Variants in GABRG3 observed in about 807,000 individuals in gnomAD.
The protein encoded by GABRG3 is gamma-aminobutyric acid type A receptor subunit gamma3.
GABRG3 carries 25 observed loss-of-function variants against 48.8 expected under a neutral mutation model. The ratio of observed to expected loss-of-function variants is 0.51; its 90% CI spans 0.37 to 0.72. GABRG3 has a LOEUF of 0.72. Ranked by LOEUF, GABRG3 falls within the 30% of genes least tolerant of loss-of-function variation. The pLI, the probability that GABRG3 is intolerant of heterozygous loss-of-function variation, is 0.00. For missense variants in GABRG3, 394 were observed against 577.9 expected (o/e 0.68, Z 3.26); for synonymous variants, 227 against 217.6 (o/e 1.04, Z -0.38).
At chr15:27,078,872 T>C (rs1454366974) in intron 3 of GABRG3, among the ~76,000 whole-genome samples, 2 of 152,180 alleles carry the variant, frequency 1.3e-5, no homozygotes, top group African/African-American at 4.8e-5. Context: ...AATAGGGTCA[T>C]TGCAGATGTA....
At position 27,535,900 on chromosome 15, in the gene GABRG3, A is replaced by C. The variant is rs1199264577; in HGVS notation, c.*3019A>C. The C allele has an allele frequency of 2.6e-5, 4 of 152,402 alleles. No homozygotes were observed. The highest frequency in any genetic ancestry group is 5.9e-5 in the Non-Finnish European group (4 of 68,072). 9.4% of individuals were successfully genotyped at this position (152,402 alleles called of 1,614,324 possible). A position where few individuals can be genotyped will look rare whatever the true frequency, so the allele number is the denominator to read the frequency against. On this transcript the variant is annotated 3_prime_UTR_variant, in exon 10 of 10. Transcript: ENST00000615808. Reference sequence around the variant, plus strand: ...AAGACTCTCTTTGCCAGGATGCCTGATCAGGAGGGACGTGTGTGGGCACGA... The same window carrying C: ...AAGACTCTCTTTGCCAGGATGCCTGCTCAGGAGGGACGTGTGTGGGCACGA...
intron 3 of GABRG3, among the ~76,000 whole-genome samples, chr15:27,271,825 T>C (rs1020107739): frequency 2.6e-5 from 4 of 152,198 alleles, no homozygotes; most frequent in Non-Finnish European, 5.9e-5. Context: ...TTAAAACTTG[T>C]CTTTTCCATC....
intron 3 of GABRG3, among the ~76,000 whole-genome samples, chr15:27,314,580 A>C (rs1038516106): frequency 7.2e-5 from 11 of 152,210 alleles, no homozygotes; most frequent in African/African-American, 2.4e-4. Context: ...AGAAGCATTG[A>C]AATGAGGGTC....
chr15:27,419,763 T>A (rs1476778436), intron 5 of GABRG3, among the ~76,000 whole-genome samples: 1 of 152,098 alleles, frequency 6.6e-6, no homozygotes. Flanking sequence ...CATTTCACAC[T>A]CAAGTAACGG....
At chr15:27,530,155 G>A (rs1355515020) in intron 9 of GABRG3, among the ~76,000 whole-genome samples, 1 of 152,198 alleles carries the variant, frequency 6.6e-6, no homozygotes, top group Non-Finnish European at 1.5e-5. Flanking sequence ...CAGACTCCGT[G>A]AACTGTCACA....
In GABRG3 at chr15:27,280,700, A is replaced by G. The variant is rs146526450; in HGVS notation, c.271-46109A>G. Among the ~76,000 whole-genome samples the G allele has an allele frequency of 3.0e-3, 451 of 152,248 alleles. 1 individual carries two copies. The highest frequency in any genetic ancestry group is 0.01 in the African/African-American group (428 of 41,574). ...CTGTTAGGATCAGAAAACAAACTGT[A>G]TGGTTTCAATTCTTTTAAATTTGTT... On this transcript the variant is annotated intron_variant, in intron 3 of 9. Coordinates refer to ENST00000615808, the MANE Select transcript of GABRG3 (RefSeq NM_033223.5).
intron 5 of GABRG3, among the ~76,000 whole-genome samples, chr15:27,406,180 C>T (rs952135741): frequency 9.2e-5 from 14 of 151,802 alleles, no homozygotes; most frequent in Non-Finnish European, 1.3e-4. Context: ...AAAATATACA[C>T]GAGTCCATAC....
intron 5 of GABRG3, among the ~76,000 whole-genome samples, chr15:27,329,545 G>A (rs540837967): frequency 6.6e-6 from 1 of 152,308 alleles, no homozygotes; most frequent in African/African-American, 2.4e-5. Context: ...GATTACAGAT[G>A]TGAGCCACTG....
rs1169926074 is a variant in GABRG3, at chr15:27,313,262, G to GTATATA, written c.271-13504_271-13499dup. 4.4e-3 allele frequency among the ~76,000 whole-genome samples: 153 copies of GTATATA among 34,494 alleles called. 9 individuals are homozygous for GTATATA. Among genetic ancestry groups the GTATATA allele is most frequent in the South Asian group, 7.8e-3 (6 of 768 alleles). The allele number at this position is 34,494 out of a possible 152,430, so 22.6% of individuals were successfully genotyped here. A position where few individuals can be genotyped will look rare whatever the true frequency, so the allele number is the denominator to read the frequency against. On this transcript the variant is annotated intron_variant, in intron 3 of 9. Transcript: ENST00000615808. ...TATATGTGTGTGTGTGTGTGTGTGT[G>GTATATA]TATATATATATATATATATATATAT... is the stretch of plus-strand genomic sequence containing the variant.
At chr15:27,375,893 C>T (rs531378249) in intron 5 of GABRG3, among the ~76,000 whole-genome samples, 1 of 152,242 alleles carries the variant, frequency 6.6e-6, no homozygotes, top group Admixed American at 6.5e-5. Context: ...CCCAACAGTC[C>T]CTGAAAGTCT....
rs1238707400 is a variant in GABRG3, at chr15:26,975,607, G to A, written c.54-1395G>A. The stretch of plus-strand genomic sequence containing the variant: ...GTATATATTACATAAATATGCATGT[G>A]CATATATATGAAGACCTAAATTAAG... On this transcript the variant is annotated intron_variant, in intron 1 of 9. Transcript: ENST00000615808. The surrounding 1 kb of genome is among the most constrained non-coding windows in gnomAD (Gnocchi z 4.6). 6.6e-6 allele frequency among the ~76,000 whole-genome samples: 1 copy of A among 152,146 alleles called. No individual in the cohort carries two copies. The highest frequency in any genetic ancestry group is 2.1e-4 in the South Asian group (1 of 4,818).
chr15:27,447,007 G>C lies in GABRG3; in HGVS notation c.575-33643G>C, dbSNP rs1369258473. Among the ~76,000 whole-genome samples the C allele has an allele frequency of 1.3e-5, 2 of 152,118 alleles. No individual in the cohort carries two copies. The highest frequency in any genetic ancestry group is 1.5e-5 in the Non-Finnish European group (1 of 68,030). ...CTCTGATGCTCCTCCCATGCACCAG[G>C]GGCAGTACTATGCATTGAGGGTCTA... On this transcript the variant is annotated intron_variant, in intron 5 of 9. Transcript: ENST00000615808. The surrounding 1 kb of genome is among the most constrained non-coding windows in gnomAD (Gnocchi z 4.0).
At chr15:27,033,893 A>G (rs577039360) in intron 3 of GABRG3, among the ~76,000 whole-genome samples, 3 of 152,234 alleles carry the variant, frequency 2.0e-5, no homozygotes, top group African/African-American at 7.2e-5. Context: ...ATTTTGTGAC[A>G]CTTTCAGTTT....
chr15:27,092,943 AT>A (rs1307172000), intron 3 of GABRG3, among the ~76,000 whole-genome samples: 1 of 151,750 alleles, frequency 6.6e-6, no homozygotes, highest in African/African-American at 2.4e-5. Context: ...GAGTTTGTAG[AT>A]TCCTGCATGG....
At chr15:27,293,870 G>A (rs959830711) in intron 3 of GABRG3, among the ~76,000 whole-genome samples, 1 of 152,078 alleles carries the variant, frequency 6.6e-6, no homozygotes, top group Non-Finnish European at 1.5e-5. Flanking sequence ...AAACAGACAG[G>A]AATCCCTATG....
At position 27,028,805 on chromosome 15, in the gene GABRG3, C is replaced by CAA. The variant is rs35610809; in HGVS notation, c.270+2004_270+2005dup. Among the ~76,000 whole-genome samples, 527 of 102,492 alleles carry CAA rather than the reference C, an allele frequency of 5.1e-3. 6 individuals are homozygous for CAA. The highest frequency in any genetic ancestry group is 0.016 in the African/African-American group (430 of 27,462). 67.2% of individuals were successfully genotyped at this position (102,492 alleles called of 152,430 possible). A position where few individuals can be genotyped will look rare whatever the true frequency, so the allele number is the denominator to read the frequency against. On this transcript the variant is annotated intron_variant, in intron 3 of 9. Coordinates refer to ENST00000615808, the MANE Select transcript of GABRG3 (RefSeq NM_033223.5). ...TGGGTGACAGAGCTAGACTTCATCTCAAAAAAAAAAAAAAAAAAAAATCCA... is the reference window on the plus strand; with the variant it reads ...TGGGTGACAGAGCTAGACTTCATCTCAAAAAAAAAAAAAAAAAAAAAAATCCA...
In GABRG3 at chr15:27,225,939, T is replaced by C. The variant is rs570147819; in HGVS notation, c.271-100870T>C. Among the ~76,000 whole-genome samples, 19 of 152,194 alleles carry C rather than the reference T, an allele frequency of 1.2e-4. 1 individual carries two copies. Among genetic ancestry groups the C allele is most frequent in the African/African-American group, 3.6e-4 (15 of 41,508 alleles). ...GACCCAGAGCCTGTGACTAAGATGA[T>C]TGGCAGATTAGGGGCTCCCTTTGGA... On this transcript the variant is annotated intron_variant, in intron 3 of 9. Transcript: ENST00000615808.
At chr15:27,131,180 A>G (rs1037288844) in intron 3 of GABRG3, among the ~76,000 whole-genome samples, 3 of 152,028 alleles carry the variant, frequency 2.0e-5, no homozygotes, top group Admixed American at 1.3e-4. Flanking sequence ...GTTTTTATAC[A>G]TGGCTTTTAT....
chr15:27,015,447 C>T (rs944676313), intron 2 of GABRG3, among the ~76,000 whole-genome samples: 1 of 147,096 alleles, frequency 6.8e-6, no homozygotes, highest in African/African-American at 2.5e-5. Context: ...TGCAGTGGCG[C>T]AATCTCGGCT....
Sources: allele counts gnomAD v4.1 joint callset (sites outside exome capture counted in the v4.1 genomes callset), GRCh38; gene constraint gnomAD v4.1.1; non-coding constraint Gnocchi (gnomAD v3.1); transcripts MANE v1.5; gene names NCBI Gene and HGNC (gene_info 2026-07-23, HGNC 2026-07-21).